CENPU: variants seen among roughly 807,000 people sequenced by gnomAD.
CENPU encodes KSHV latent nuclear antigen interacting protein 1.
A neutral mutation model predicts 56.7 loss-of-function variants in CENPU; 46 were observed. The ratio of observed to expected loss-of-function variants is 0.81; its 90% CI spans 0.64 to 1.04. CENPU has a LOEUF of 1.04. CENPU is among the 50% of genes least tolerant of loss of function. CENPU has a pLI of 0.00. For synonymous variants in CENPU, 166 were observed against 163.0 expected, an observed-to-expected ratio of 1.02 and a Z score of -0.14; for missense variants, 510 against 490.1, an observed-to-expected ratio of 1.04 and a Z score of -0.38.
Position 184,724,984 on chromosome 4 carries a change from G to C in CENPU, c.293C>G (p.Thr98Ser). 6.2e-7 allele frequency: 1 copy of C among 1,612,278 alleles called. No individual in the cohort carries two copies. Among genetic ancestry groups the C allele is most frequent in the Non-Finnish European group, 8.5e-7 (1 of 1,178,818 alleles). Reference sequence around the variant, plus strand: ...TCTTTTTGCTTCTTTTCCTGGAGGAGTTGAAGAGAGAGACAGTCCACAATG... The same window carrying C: ...TCTTTTTGCTTCTTTTCCTGGAGGACTTGAAGAGAGAGACAGTCCACAATG... ...SKHCGLSLSS[T>S]PPGKEAKRSS... The change falls in exon 4 of 13, where the codon ACT (threonine) becomes AGT (serine). Residue 98 changes from threonine (T) to serine (S), a missense_variant. Physicochemically the swap from Thr to Ser is moderately conservative, Grantham distance 58. Coordinates refer to ENST00000281453, the MANE Select transcript of CENPU (RefSeq NM_024629.4).
At chr4:184,699,634 G>A (rs1464980217) in intron 11 of CENPU, 1 of 1,286,116 alleles carries the variant, frequency 7.8e-7, no homozygotes, top group Admixed American at 2.3e-5. Flanking sequence ...TTAGACAACT[G>A]CTTTCTCCCA....
At chr4:184,706,567 A>C (rs1344379865) in intron 8 of CENPU, among the ~76,000 whole-genome samples, 1 of 152,224 alleles carries the variant, frequency 6.6e-6, no homozygotes, top group Non-Finnish European at 1.5e-5. Context: ...ATACTTCCCT[A>C]CTTATACATA....
chr4:184,702,679 G>A (rs983147610), intron 8 of CENPU, among the ~76,000 whole-genome samples: 13 of 152,168 alleles, frequency 8.5e-5, no homozygotes, highest in African/African-American at 2.7e-4. Context: ...CTCAGGTAGC[G>A]AGCATAGTAG....
intron 8 of CENPU, among the ~76,000 whole-genome samples, chr4:184,705,265 C>T (rs765556146): frequency 2.6e-5 from 4 of 152,156 alleles, no homozygotes; most frequent in Non-Finnish European, 4.4e-5. Context: ...AATCATACAA[C>T]AGCTTGGATG....
Position 184,694,495 on chromosome 4 carries a change from C to G in CENPU, c.*793G>C. ...TGAGTAAATATTTTCCTATCCCACT[C>G]TCTATCCCTTCACCACTGAAATAAA... On this transcript the variant is annotated 3_prime_UTR_variant, in exon 13 of 13. Coordinates refer to ENST00000281453, the MANE Select transcript of CENPU (RefSeq NM_024629.4). The G allele has an allele frequency of 2.5e-6, 4 of 1,603,880 alleles. No homozygotes were observed. Among genetic ancestry groups the G allele is most frequent in the Non-Finnish European group, 3.4e-6 (4 of 1,172,584 alleles).
rs532281647 is a variant in CENPU at position 184,722,602 on chromosome 4, G to T, written c.320+2355C>A. Among the ~76,000 whole-genome samples, 3 of 150,934 alleles carry T rather than the reference G, an allele frequency of 2.0e-5. No individual in the cohort carries two copies. The South Asian group carries it at 6.3e-4, about 32-fold the overall frequency. On this transcript the variant is annotated intron_variant, in intron 4 of 12. Transcript: ENST00000281453. ...AAATGCTAAAAGTGATAAATATATC[G>T]CTGCATCTAAATAAAACTGAACATT... is the stretch of plus-strand genomic sequence containing the variant.
chr4:184,728,793 G>C (rs1489923718), intron 3 of CENPU, 125 bp downstream of exon 3: 1 of 692,708 alleles, frequency 1.4e-6, no homozygotes, highest in Non-Finnish European at 2.5e-6. Context: ...GTACTCCCCA[G>C]AGAACATTAT....
At chr4:184,699,345 A>AGT (rs1760451699) in intron 11 of CENPU, among the ~76,000 whole-genome samples, 1 of 147,060 alleles carries the variant, frequency 6.8e-6, no homozygotes. Context: ...TAAATAAATA[A>AGT]ATAAATAAAT....
intron 7 of CENPU, among the ~76,000 whole-genome samples, chr4:184,711,409 ATTTG>A (rs1313263953): frequency 6.6e-6 from 1 of 152,118 alleles, no homozygotes; most frequent in Non-Finnish European, 1.5e-5. Flanking sequence ...TACATTTATC[ATTTG>A]TTTGTGGTAA....
intron 7 of CENPU, among the ~76,000 whole-genome samples, chr4:184,712,732 T>A (rs1760965557): frequency 6.6e-6 from 1 of 152,202 alleles, no homozygotes; most frequent in Non-Finnish European, 1.5e-5. Flanking sequence ...TATGAATATA[T>A]ACTATAAATT....
intron 8 of CENPU, among the ~76,000 whole-genome samples, chr4:184,706,031 G>A (rs1198099081): frequency 1.3e-5 from 2 of 152,200 alleles, no homozygotes; most frequent in Non-Finnish European, 2.9e-5. Flanking sequence ...TCTGGAGACT[G>A]ATAGCACAAC....
chr4:184,698,606 C>T (rs1467873317), intron 11 of CENPU, among the ~76,000 whole-genome samples: 3 of 152,092 alleles, frequency 2.0e-5, no homozygotes, highest in African/African-American at 4.8e-5. Flanking sequence ...GCCCACACCA[C>T]GCCCGGCTAA....
intron 8 of CENPU, among the ~76,000 whole-genome samples, chr4:184,709,031 G>A (rs983596824): frequency 6.6e-6 from 1 of 151,700 alleles, no homozygotes; most frequent in Non-Finnish European, 1.5e-5. Context: ...AGTTAAAGAA[G>A]TAACAATATA....
At chr4:184,702,705 C>T (rs762720604) in intron 8 of CENPU, among the ~76,000 whole-genome samples, 1 of 152,184 alleles carries the variant, frequency 6.6e-6, no homozygotes, top group Non-Finnish European at 1.5e-5. Flanking sequence ...AGGTTGTTTT[C>T]AGTCCTTGAA....
chr4:184,721,680 G>T lies in CENPU; in HGVS notation c.320+3277C>A, dbSNP rs1339438534. ...AGAAGGTCACTACATAATGACAAAG[G>T]GGTCAATTCAGCAAGAGGATATAAC... On this transcript the variant is annotated intron_variant, in intron 4 of 12. Coordinates refer to ENST00000281453, the MANE Select transcript of CENPU (RefSeq NM_024629.4). Among the ~76,000 whole-genome samples the T allele has an allele frequency of 2.0e-5, 3 of 152,056 alleles. 1 individual carries two copies. Among genetic ancestry groups the T allele is most frequent in the African/African-American group, 7.2e-5 (3 of 41,386 alleles).
intron 1 of CENPU, among the ~76,000 whole-genome samples, chr4:184,732,794 G>C (rs1256620406): frequency 6.6e-6 from 1 of 152,106 alleles, no homozygotes; most frequent in African/African-American, 2.4e-5. Context: ...ACGAGGTGAG[G>C]AAATCAAGAC....
chr4:184,718,665 G>T (rs1455202045), intron 4 of CENPU, among the ~76,000 whole-genome samples: 1 of 152,206 alleles, frequency 6.6e-6, no homozygotes, highest in Non-Finnish European at 1.5e-5. Context: ...AGGTGGCAGG[G>T]GTGTGGAGAG....
intron 4 of CENPU, among the ~76,000 whole-genome samples, chr4:184,720,672 T>C (rs1243472172): frequency 6.6e-6 from 1 of 152,080 alleles, no homozygotes; most frequent in Non-Finnish European, 1.5e-5. Flanking sequence ...GGAGCTCCAA[T>C]ATGTCTGGCA....
At chr4:184,705,116 A>AT (rs1307792400) in intron 8 of CENPU, among the ~76,000 whole-genome samples, 1 of 152,200 alleles carries the variant, frequency 6.6e-6, no homozygotes, top group Non-Finnish European at 1.5e-5. Context: ...ACAAAAAAAA[A>AT]TGTATCCAAA....
Sources: allele counts gnomAD v4.1 joint callset (sites outside exome capture counted in the v4.1 genomes callset), GRCh38; gene constraint gnomAD v4.1.1; transcripts MANE v1.5; gene names NCBI Gene and HGNC (gene_info 2026-07-23, HGNC 2026-07-21).